The following HOXC5 variants were observed in gnomAD, a reference collection of about 807,000 sequenced individuals.
HOXC5 encodes homeobox C5.
HOXC5 carries 19 observed loss-of-function variants against 20.1 expected under a neutral mutation model. The ratio of observed to expected loss-of-function variants is 0.94; its 90% CI spans 0.66 to 1.38. The LOEUF (loss-of-function observed/expected upper bound fraction) is 1.38. HOXC5 is among the 40% of genes most tolerant of loss of function. The pLI is 0.00. For missense variants in HOXC5, 330 were observed against 300.1 expected, an observed-to-expected ratio of 1.10 and a Z score of -0.74; for synonymous variants, 124 against 117.0, an observed-to-expected ratio of 1.06 and a Z score of -0.39.
the HOXC5 span, among the ~76,000 whole-genome samples, chr12:54,017,859 C>A: frequency 6.6e-6 from 1 of 152,076 alleles, no homozygotes; most frequent in Admixed American, 6.5e-5. Flanking sequence ...CAAAGTTAGC[C>A]CCCCAACCCC....
chr12:54,024,166 A>C, the HOXC5 span, among the ~76,000 whole-genome samples: 1 of 152,208 alleles, frequency 6.6e-6, no homozygotes, highest in East Asian at 1.9e-4. Context: ...GAGGGATTTT[A>C]GCCCTCGCCC....
upstream of HOXC5, chr12:54,028,706 T>C: frequency 6.2e-7 from 1 of 1,614,152 alleles, no homozygotes; most frequent in Non-Finnish European, 8.5e-7. Flanking sequence ...GAGAATGTCG[T>C]GTTCAGTTCC....
chr12:54,021,347 A>C, the HOXC5 span: 1 of 152,334 alleles, frequency 6.6e-6, no homozygotes, highest in Non-Finnish European at 1.5e-5. Context: ...AGACCTGGTC[A>C]GGGAGACGGC....
At chr12:54,023,794 G>C in the HOXC5 span, among the ~76,000 whole-genome samples, 2 of 152,138 alleles carry the variant, frequency 1.3e-5, no homozygotes, top group African/African-American at 4.8e-5. Flanking sequence ...GTGTGTAGCG[G>C]GGGCAGGTAT....
upstream of HOXC5, among the ~76,000 whole-genome samples, chr12:54,029,422 CA>C (rs1455384848): frequency 2.8e-5 from 4 of 140,712 alleles, no homozygotes; most frequent in Non-Finnish European, 6.3e-5. Flanking sequence ...CCCCCCCCCC[CA>C]CCACACACCT....
upstream of HOXC5, chr12:54,028,306 C>T (rs1180367507): frequency 6.4e-6 from 3 of 467,490 alleles, no homozygotes; most frequent in African/African-American, 5.8e-5. Context: ...TCAAAGCACA[C>T]ACTTAGTCTC....
the HOXC5 span, among the ~76,000 whole-genome samples, chr12:54,019,666 GC>G: frequency 2.6e-5 from 4 of 151,932 alleles, no homozygotes; most frequent in Admixed American, 2.6e-4. Context: ...TATTAGAAGG[GC>G]CCCCTCCCAC....
chr12:54,026,886 G>C, the HOXC5 span, among the ~76,000 whole-genome samples: 4,129 of 151,820 alleles, frequency 0.027, 194 homozygotes, highest in African/African-American at 0.093. Flanking sequence ...TACACAGAAG[G>C]AAAAGATCAT....
At chr12:54,034,219 C>T (rs1000873736) in intron 1 of HOXC5, 59 bp from the exon 2 acceptor site, 3 of 1,467,828 alleles carry the variant, frequency 2.0e-6, no homozygotes, top group Admixed American at 3.3e-5. Flanking sequence ...GGGGTGGGGA[C>T]GGGGGAACGC....
the HOXC5 span, among the ~76,000 whole-genome samples, chr12:54,025,527 TGGGG>T: frequency 5.5e-4 from 7 of 12,664 alleles, no homozygotes; most frequent in East Asian, 0.022. Context: ...GAAAGGTAAT[TGGGG>T]GGGGGGGAGG....
the HOXC5 span, chr12:54,021,102 G>C: frequency 6.5e-6 from 1 of 152,736 alleles, no homozygotes; most frequent in African/African-American, 2.4e-5. Context: ...ATCTGGGGCA[G>C]CTGCTGGCCA....
At chr12:54,026,127 G>C in the HOXC5 span, among the ~76,000 whole-genome samples, 6 of 152,232 alleles carry the variant, frequency 3.9e-5, no homozygotes, top group Admixed American at 1.3e-4. Flanking sequence ...AAATTGGAGG[G>C]GGGGACAGAG....
At chr12:54,028,379 T>G, upstream of HOXC5, 1 of 852,730 alleles carries the variant, frequency 1.2e-6, no homozygotes, top group Non-Finnish European at 1.8e-6. Flanking sequence ...TGGCTTGCGA[T>G]TGGCTGGGAG....
the HOXC5 span, among the ~76,000 whole-genome samples, chr12:54,017,893 T>C: frequency 6.7e-6 from 1 of 149,036 alleles, no homozygotes; most frequent in Non-Finnish European, 1.5e-5. Context: ...CAGCTTCCCC[T>C]CCCTGTCTGG....
the HOXC5 span, among the ~76,000 whole-genome samples, chr12:54,025,380 G>T: frequency 2.6e-5 from 4 of 152,068 alleles, no homozygotes; most frequent in African/African-American, 4.8e-5. Context: ...ATGGGAAAAA[G>T]AAAATATAAT....
At chr12:54,025,431 C>G in the HOXC5 span, among the ~76,000 whole-genome samples, 596 of 151,878 alleles carry the variant, frequency 3.9e-3, 1 homozygote, top group Non-Finnish European at 5.8e-3. Context: ...CTGCTCTCCC[C>G]CCTTGGAGCG....
upstream of HOXC5, among the ~76,000 whole-genome samples, chr12:54,032,480 G>T (rs1460872307): frequency 6.6e-6 from 1 of 152,242 alleles, no homozygotes; most frequent in Non-Finnish European, 1.5e-5. Flanking sequence ...TCCAGCCTGG[G>T]CATAGGCCAC....
chr12:54,033,844 G>A, intron 1 of HOXC5: 1 of 531,026 alleles, frequency 1.9e-6, no homozygotes. Context: ...GATCTGAAGG[G>A]TGAGGAGCGC....
chr12:54,033,146 A>T lies in HOXC5; in HGVS notation c.24A>T (p.Ser8=). The change falls in exon 1 of 2, where the codon TCA becomes TCT. Residue 8 remains serine (S), a synonymous_variant. Transcript: ENST00000312492. The part of the protein sequence containing the change: MSSYVAN[S]FYKQSPNIPA... ...CCATGAGCTCCTACGTAGCCAATTC[A>T]TTCTATAAGCAGAGCCCCAATATCC... 6.2e-7 allele frequency: 1 copy of T among 1,610,920 alleles called. No homozygotes were observed. The highest frequency in any genetic ancestry group is 8.5e-7 in the Non-Finnish European group (1 of 1,177,254).
Sources: gnomAD v4.1 joint callset for allele counts (sites outside exome capture counted in the v4.1 genomes callset) on GRCh38, gnomAD v4.1.1 for gene constraint, MANE v1.5 for transcripts, NCBI Gene and HGNC (gene_info 2026-07-23, HGNC 2026-07-21) for gene names.